The following PCDHGA1 variants were observed in gnomAD, a reference collection of about 807,000 sequenced individuals.
PCDHGA1 encodes the protein protocadherin gamma-A1.
Under a neutral mutation model 58.0 loss-of-function variants are expected in PCDHGA1, and 32 were observed. The ratio of observed to expected loss-of-function variants is 0.55; its 90% CI spans 0.42 to 0.74. The LOEUF (loss-of-function observed/expected upper bound fraction) is 0.74, where lower values mean the gene tolerates loss of function less well. Ranked by LOEUF, PCDHGA1 falls within the 30% of genes least tolerant of loss-of-function variation. PCDHGA1 has a pLI of 0.00. For synonymous variants in PCDHGA1, 498 were observed against 501.1 expected, an observed-to-expected ratio of 0.99 and a Z score of 0.08; for missense variants, 1,205 against 1,182.3, an observed-to-expected ratio of 1.02 and a Z score of -0.28.
Position 141,491,414 on chromosome 5 carries a change from G to A in PCDHGA1, c.2422-3393G>A. On this transcript the variant is annotated intron_variant, in intron 1 of 3. Coordinates refer to ENST00000517417, the MANE Select transcript of PCDHGA1 (RefSeq NM_018912.3). The surrounding 1 kb of genome is among the most constrained non-coding windows in gnomAD (Gnocchi z 6.9). ...CTTCAGGGAAACGCAGACGGGGACGGGGGTGGAGGGCAGTGCTGCAGGCGC... is the reference window on the plus strand; with the variant it reads ...CTTCAGGGAAACGCAGACGGGGACGAGGGTGGAGGGCAGTGCTGCAGGCGC... 2 of 1,614,126 alleles carry A rather than the reference G, an allele frequency of 1.2e-6. No individual in the cohort carries two copies. Among genetic ancestry groups the A allele is most frequent in the Non-Finnish European group, 1.7e-6 (2 of 1,180,022 alleles).
chr5:141,485,661 G>A lies in PCDHGA1; in HGVS notation c.2422-9146G>A. On this transcript the variant is annotated intron_variant, in intron 1 of 3. Transcript: ENST00000517417. This position sits in a 1 kb window ranked among gnomAD's most constrained non-coding sequence, Gnocchi z 5.7. ...GAAAAGGCTCAGGATGCAGATGTGGGGAGCAATTCGATTAGCAGCTATAGG... is the reference window on the plus strand; with the variant it reads ...GAAAAGGCTCAGGATGCAGATGTGGAGAGCAATTCGATTAGCAGCTATAGG... 2 of 1,612,678 alleles carry A rather than the reference G, an allele frequency of 1.2e-6. No individual in the cohort carries two copies. Among genetic ancestry groups the A allele is most frequent in the Non-Finnish European group, 1.7e-6 (2 of 1,178,884 alleles).
chr5:141,415,599 C>G (rs201075690), intron 1 of PCDHGA1: 321 of 1,613,514 alleles, frequency 2.0e-4, no homozygotes, highest in South Asian at 6.6e-4. Context: ...TAGAGGATAC[C>G]CCATTGGTTC....
intron 1 of PCDHGA1, chr5:141,374,252 CAGG>C: frequency 6.2e-7 from 1 of 1,613,982 alleles, no homozygotes; most frequent in South Asian, 1.1e-5. Context: ...ACTGGAGCCC[CAGG>C]AGTTGGCGGA....
chr5:141,503,598 CAAAA>C (rs765754054), intron 2 of PCDHGA1, among the ~76,000 whole-genome samples: 2 of 65,756 alleles, frequency 3.0e-5, no homozygotes. Flanking sequence ...GACTCCAGCT[CAAAA>C]AAAAAAAAAA....
chr5:141,361,960 C>T, intron 1 of PCDHGA1: 1 of 1,602,668 alleles, frequency 6.2e-7, no homozygotes, highest in Non-Finnish European at 8.5e-7. Flanking sequence ...CTACCACGTG[C>T]TGCAGGCCAG....
intron 1 of PCDHGA1, chr5:141,413,463 G>A: frequency 6.2e-7 from 1 of 1,614,128 alleles, no homozygotes; most frequent in African/African-American, 1.3e-5. Flanking sequence ...GGATAGACCG[G>A]GAGGAGCTCT....
chr5:141,398,448 G>A lies in PCDHGA1; in HGVS notation c.2421+65343G>A, dbSNP rs1213915296. On this transcript the variant is annotated intron_variant, in intron 1 of 3. Coordinates refer to ENST00000517417, the MANE Select transcript of PCDHGA1 (RefSeq NM_018912.3). ...AGCCAGCTTGTGCTCTGGAATTTGAGGCTGTTGCTGAAAATCCACTGAACT... is the reference window on the plus strand; with the variant it reads ...AGCCAGCTTGTGCTCTGGAATTTGAAGCTGTTGCTGAAAATCCACTGAACT... 2.5e-6 allele frequency: 4 copies of A among 1,574,288 alleles called. No individual in the cohort carries two copies. In the Middle Eastern group the frequency reaches 5.2e-4, roughly 203 times the overall value.
At chr5:141,414,773 A>G in intron 1 of PCDHGA1, 1 of 1,614,204 alleles carries the variant, frequency 6.2e-7, no homozygotes, top group Non-Finnish European at 8.5e-7. Flanking sequence ...CATGAGCTAC[A>G]GATGCAGGTG....
rs200422536 is a variant in PCDHGA1, at chr5:141,351,348, C to A, written c.2421+18243C>A. ...GATTCAGACCTTGGAACTGTAATAG[C>A]CCTCATAAAAGTGCGAGACAAGGAT... On this transcript the variant is annotated intron_variant, in intron 1 of 3. Coordinates refer to ENST00000517417, the MANE Select transcript of PCDHGA1 (RefSeq NM_018912.3). 4.3e-6 allele frequency: 7 copies of A among 1,613,314 alleles called. No individual in the cohort carries two copies. In the Admixed American group the frequency reaches 1.0e-4, roughly 23 times the overall value.
rs1474915268 is a variant in PCDHGA1 at position 141,333,398 on chromosome 5, G to C, written c.2421+293G>C. 4 of 511,600 alleles carry C rather than the reference G, an allele frequency of 7.8e-6. No homozygotes were observed. The African/African-American group carries it at 7.9e-5, about 10-fold the overall frequency. 31.7% of individuals were successfully genotyped at this position (511,600 alleles called of 1,614,324 possible). On this transcript the variant is annotated intron_variant, in intron 1 of 3. Coordinates refer to ENST00000517417, the MANE Select transcript of PCDHGA1 (RefSeq NM_018912.3). ...GCACTGCATTAGAAACGGCGATCTA[G>C]CTTCTAACATTTTCTTACTTGCCTC...
In PCDHGA1 at chr5:141,332,352, C is replaced by G; in HGVS notation, c.1668C>G (p.Asn556Lys). ...TCAGCCTATTCCTGCTGGACCAGAACGACAACGCGCCCGAGATCCTGTACC... is the reference window on the plus strand; with the variant it reads ...TCAGCCTATTCCTGCTGGACCAGAAGGACAACGCGCCCGAGATCCTGTACC... ...VSLSLFLLDQNDNAPEILYPA... is the reference protein window; with the variant it reads ...VSLSLFLLDQKDNAPEILYPA... The change falls in exon 1 of 4, where the codon AAC becomes AAG. Residue 556 changes from asparagine (N) to lysine (K), a missense_variant. Transcript: ENST00000517417. This position sits in a 1 kb window ranked among gnomAD's most constrained non-coding sequence, Gnocchi z 4.6. 1 of 1,614,182 alleles carries G rather than the reference C, an allele frequency of 6.2e-7. No homozygotes were observed. Among genetic ancestry groups the G allele is most frequent in the Non-Finnish European group, 8.5e-7 (1 of 1,180,014 alleles).
chr5:141,473,374 G>A (rs1437989884), intron 1 of PCDHGA1, among the ~76,000 whole-genome samples: 1 of 152,204 alleles, frequency 6.6e-6, no homozygotes, highest in African/African-American at 2.4e-5. Context: ...AAATAGCATG[G>A]TCCCTGCCCT....
intron 1 of PCDHGA1, chr5:141,367,404 GCA>G (rs1765111997): frequency 2.0e-5 from 3 of 152,244 alleles, no homozygotes; most frequent in African/African-American, 7.2e-5. Flanking sequence ...GGGCGTGGTG[GCA>G]GGCGCCTGTA....
intron 1 of PCDHGA1, chr5:141,356,609 C>T: frequency 6.2e-7 from 1 of 1,614,184 alleles, no homozygotes; most frequent in Non-Finnish European, 8.5e-7. Context: ...AGAGGAGCCT[C>T]CATCTTATCT....
At chr5:141,417,874 C>G in intron 1 of PCDHGA1, 9 of 1,555,320 alleles carry the variant, frequency 5.8e-6, no homozygotes, top group Non-Finnish European at 7.8e-6. Context: ...GAGGGAGCTG[C>G]GCGCAGAGGC....
At chr5:141,371,541 C>G in intron 1 of PCDHGA1, 1 of 1,613,764 alleles carries the variant, frequency 6.2e-7, no homozygotes, top group Non-Finnish European at 8.5e-7. Flanking sequence ...TGGAGAAATC[C>G]TATGCCAACT....
At chr5:141,333,350 G>A in intron 1 of PCDHGA1, 1 of 624,992 alleles carries the variant, frequency 1.6e-6, no homozygotes, top group South Asian at 2.1e-5. Flanking sequence ...GTATGTGTGA[G>A]ATGCCATCTC....
Position 141,340,717 on chromosome 5 carries a change from A to G in PCDHGA1, c.2421+7612A>G, listed in dbSNP as rs758846944. 4.3e-6 allele frequency: 7 copies of G among 1,614,070 alleles called. No homozygotes were observed. The Admixed American group carries it at 8.3e-5, about 19-fold the overall frequency. ...GCGTGGAGCTGGCGCCCCGCTCCGC[A>G]GAGCCCGGCTACCTGGTGACCAAGG... On this transcript the variant is annotated intron_variant, in intron 1 of 3. Transcript: ENST00000517417.
At chr5:141,395,648 T>G (rs2093296043) in intron 1 of PCDHGA1, 1 of 167,156 alleles carries the variant, frequency 6.0e-6, no homozygotes, top group South Asian at 1.9e-4. Context: ...GTTATTAGCT[T>G]AGCAAAAGTA....
Sources: gnomAD v4.1 joint callset for allele counts (sites outside exome capture counted in the v4.1 genomes callset) on GRCh38, gnomAD v4.1.1 for gene constraint, Gnocchi (gnomAD v3.1) non-coding constraint, MANE v1.5 for transcripts, NCBI Gene and HGNC (gene_info 2026-07-23, HGNC 2026-07-21) for gene names.